The following FSTL4 variants were observed in gnomAD, a reference collection of about 807,000 sequenced individuals.
FSTL4 encodes the protein follistatin like 4.
Under a neutral mutation model 78.2 loss-of-function variants are expected in FSTL4, and 28 were observed. That is an observed-to-expected ratio of 0.36 (90% CI 0.27 to 0.49). The LOEUF (loss-of-function observed/expected upper bound fraction) is 0.49. Ranked by LOEUF, FSTL4 falls within the 20% of genes least tolerant of loss-of-function variation. The probability of loss-of-function intolerance (pLI) is 0.98; values close to 1 mark genes in which losing one functional copy is unlikely to be tolerated. For missense variants in FSTL4, 922 were observed against 1,084.9 expected, an observed-to-expected ratio of 0.85 and a Z score of 2.11; for synonymous variants, 422 against 440.5, an observed-to-expected ratio of 0.96 and a Z score of 0.53.
chr5:133,811,949 G>A, the FSTL4 span, among the ~76,000 whole-genome samples: 1 of 152,126 alleles, frequency 6.6e-6, no homozygotes, highest in African/African-American at 2.4e-5. Flanking sequence ...GTCTGAAACT[G>A]CACTCTTAAT....
At chr5:133,735,856 GGAGA>G in the FSTL4 span, among the ~76,000 whole-genome samples, 8 of 152,154 alleles carry the variant, frequency 5.3e-5, no homozygotes, top group Non-Finnish European at 1.2e-4. Context: ...CCTGAAAGAA[GGAGA>G]GAGAAAACAA....
At chr5:133,366,434 A>C (rs571861521) in intron 4 of FSTL4, among the ~76,000 whole-genome samples, 129 of 152,324 alleles carry the variant, frequency 8.5e-4, no homozygotes, top group African/African-American at 2.8e-3. Flanking sequence ...ATACCGTCTG[A>C]CATGGTCACT....
chr5:133,629,048 C>T, the FSTL4 span, among the ~76,000 whole-genome samples: 1 of 147,488 alleles, frequency 6.8e-6, no homozygotes, highest in Middle Eastern at 3.4e-3. Context: ...TTGTCTTCTG[C>T]CAGTTTTCAA....
chr5:133,284,368 C>T (rs182903203), intron 6 of FSTL4, among the ~76,000 whole-genome samples: 3 of 152,360 alleles, frequency 2.0e-5, no homozygotes, highest in South Asian at 4.1e-4. Context: ...AAACACTATC[C>T]TTCAATTGTT....
At chr5:133,395,828 C>T (rs1178282414) in intron 4 of FSTL4, among the ~76,000 whole-genome samples, 1 of 152,190 alleles carries the variant, frequency 6.6e-6, no homozygotes, top group Admixed American at 6.5e-5. Flanking sequence ...TAAACGTTCT[C>T]ATCTTCAGGC....
chr5:133,255,679 A>G (rs1001141219), intron 6 of FSTL4, among the ~76,000 whole-genome samples: 1 of 152,220 alleles, frequency 6.6e-6, no homozygotes, highest in Non-Finnish European at 1.5e-5. Flanking sequence ...GGTTTTCCAG[A>G]CATGAGATGC....
intron 2 of FSTL4, among the ~76,000 whole-genome samples, chr5:133,570,649 C>T (rs1398172694): frequency 6.6e-6 from 1 of 151,768 alleles, no homozygotes; most frequent in Admixed American, 6.6e-5. Flanking sequence ...ATGAGATAAA[C>T]TTCTTCTTTG....
the FSTL4 span, among the ~76,000 whole-genome samples, chr5:133,782,508 G>T: frequency 6.6e-6 from 1 of 152,186 alleles, no homozygotes; most frequent in Non-Finnish European, 1.5e-5. Context: ...TGCCCTTCAC[G>T]ACTGGTCGGC....
intron 6 of FSTL4, among the ~76,000 whole-genome samples, chr5:133,283,608 G>C (rs777111937): frequency 3.7e-4 from 57 of 152,144 alleles, no homozygotes; most frequent in Non-Finnish European, 7.2e-4. Context: ...TGCTGCTTGG[G>C]GTAGAATTGA....
intron 3 of FSTL4, among the ~76,000 whole-genome samples, chr5:133,466,142 A>C (rs1368247815): frequency 6.6e-6 from 1 of 152,142 alleles, no homozygotes; most frequent in Non-Finnish European, 1.5e-5. Flanking sequence ...ATGGGAAAGG[A>C]GGGGGCAGGG....
chr5:133,204,749 T>C (rs1750438590), intron 14 of FSTL4, among the ~76,000 whole-genome samples: 1 of 78,094 alleles, frequency 1.3e-5, no homozygotes, highest in South Asian at 4.9e-4. Context: ...CGAGAATTGT[T>C]TGTTTGAACC....
At chr5:133,804,871 A>G in the FSTL4 span, among the ~76,000 whole-genome samples, 146,148 of 150,114 alleles carry the variant, frequency 0.97, 71,257 homozygotes, top group East Asian at 1. Context: ...ATGAACCCGG[A>G]AGGCGGAGCT....
chr5:133,581,043 C>G (rs1299208126), intron 2 of FSTL4, among the ~76,000 whole-genome samples: 2 of 152,130 alleles, frequency 1.3e-5, no homozygotes. Flanking sequence ...CTCCCACAGG[C>G]TTTTTGTACA....
chr5:133,459,989 A>G (rs1265690229), intron 3 of FSTL4, among the ~76,000 whole-genome samples: 4 of 152,318 alleles, frequency 2.6e-5, no homozygotes, highest in African/African-American at 9.6e-5. Flanking sequence ...TTCAGCTACG[A>G]AAGGAAATAT....
chr5:133,372,269 G>GTATGTATGTATCTATCTATC (rs143392836), intron 4 of FSTL4, among the ~76,000 whole-genome samples: 6 of 142,926 alleles, frequency 4.2e-5, no homozygotes, highest in Non-Finnish European at 6.1e-5. Flanking sequence ...ATGTATGTAT[G>GTATGTATGTATCTATCTATC]TATCTATCTA....
Position 133,225,983 on chromosome 5 carries a change from A to G in FSTL4, c.1016-164T>C, listed in dbSNP as rs1751321422. On this transcript the variant is annotated intron_variant, in intron 8 of 15. Coordinates refer to ENST00000265342, the MANE Select transcript of FSTL4 (RefSeq NM_015082.2). The surrounding 1 kb of genome is among the most constrained non-coding windows in gnomAD (Gnocchi z 4.6). The stretch of plus-strand genomic sequence containing the variant: ...AATCCTGTCCAGCAACGCAAGCTCT[A>G]AAAGAAAGGGCTATAAAATAGATTG... 1 of 478,608 alleles carries G rather than the reference A, an allele frequency of 2.1e-6. No homozygotes were observed. The highest frequency in any genetic ancestry group is 2.0e-5 in the African/African-American group (1 of 50,954). 29.6% of individuals were successfully genotyped at this position (478,608 alleles called of 1,614,324 possible).
chr5:133,568,730 G>C (rs933291565), intron 2 of FSTL4, among the ~76,000 whole-genome samples: 1 of 152,138 alleles, frequency 6.6e-6, no homozygotes, highest in Non-Finnish European at 1.5e-5. Flanking sequence ...CTCCCAAACT[G>C]TTCCTCAGTA....
the FSTL4 span, among the ~76,000 whole-genome samples, chr5:133,634,685 C>T: frequency 6.6e-6 from 1 of 152,170 alleles, no homozygotes; most frequent in Non-Finnish European, 1.5e-5. Flanking sequence ...GCAATCTGTA[C>T]TCTCTAGAAT....
At chr5:133,610,986 GC>G (rs983447312) in intron 1 of FSTL4, among the ~76,000 whole-genome samples, 33 of 152,218 alleles carry the variant, frequency 2.2e-4, no homozygotes, top group African/African-American at 7.9e-4. Context: ...TATCTCGGGG[GC>G]CCCATCTAGT....
Sources: allele counts gnomAD v4.1 joint callset (sites outside exome capture counted in the v4.1 genomes callset), GRCh38; gene constraint gnomAD v4.1.1; non-coding constraint Gnocchi (gnomAD v3.1); transcripts MANE v1.5; gene names NCBI Gene and HGNC (gene_info 2026-07-23, HGNC 2026-07-21).